Variants in CREBBP observed in about 807,000 individuals in gnomAD.
The protein encoded by CREBBP is CREB binding lysine acetyltransferase, also known as CREB-binding protein.
In CREBBP, 19 loss-of-function variants were observed where a neutral mutation model predicts 265.0. The ratio of observed to expected loss-of-function variants is 0.07; its 90% CI spans 0.05 to 0.11. The LOEUF is 0.11. CREBBP is among the 10% of genes least tolerant of loss of function. The pLI is 1.00. For synonymous variants in CREBBP, 1,457 were observed against 1,223.7 expected, an observed-to-expected ratio of 1.19 and a Z score of -3.98; for missense variants, 2,525 against 3,219.0, an observed-to-expected ratio of 0.78 and a Z score of 5.22.
intron 15 of CREBBP, 78 bp from the exon 16 acceptor site, chr16:3,767,987 AAGCCTAAAAC>A: frequency 7.1e-7 from 1 of 1,409,500 alleles, no homozygotes; most frequent in Non-Finnish European, 1.0e-6. Flanking sequence ...AGACTCTTAC[AAGCCTAAAAC>A]AGGTTTGTTA....
intron 2 of CREBBP, among the ~76,000 whole-genome samples, chr16:3,814,549 G>T (rs148712863): frequency 6.6e-6 from 1 of 152,136 alleles, no homozygotes; most frequent in South Asian, 2.1e-4. Context: ...AAGCCACCAC[G>T]CCTGGCCATA....
intron 1 of CREBBP, among the ~76,000 whole-genome samples, chr16:3,876,256 T>C (rs2141601661): frequency 6.6e-6 from 1 of 151,658 alleles, no homozygotes; most frequent in Admixed American, 6.6e-5. Flanking sequence ...TCCAGGCTGG[T>C]CTCCAACTGC....
intron 9 of CREBBP, 23 bp downstream of exon 9, chr16:3,778,677 G>A (rs775001363): frequency 6.5e-7 from 1 of 1,548,912 alleles, no homozygotes; most frequent in Non-Finnish European, 8.9e-7. Context: ...GTAGAGGCCA[G>A]AGCACGGTAA....
At chr16:3,860,054 C>T (rs944958576) in intron 1 of CREBBP, among the ~76,000 whole-genome samples, 4 of 152,148 alleles carry the variant, frequency 2.6e-5, no homozygotes, top group Admixed American at 1.3e-4. Context: ...AGCCCTCAAC[C>T]GTGGGATCTG....
intron 21 of CREBBP, 44 bp from the exon 22 acceptor site, chr16:3,745,398 A>T (rs1240189388): frequency 6.4e-7 from 1 of 1,572,592 alleles, no homozygotes; most frequent in East Asian, 2.3e-5. Context: ...ACGGAACCAC[A>T]AGACCAGAGT....
intron 6 of CREBBP, among the ~76,000 whole-genome samples, chr16:3,781,606 A>G (rs2053275187): frequency 6.6e-6 from 1 of 152,216 alleles, no homozygotes; most frequent in South Asian, 2.1e-4. Context: ...ACCCACATGC[A>G]GCCTCTTACT....
chr16:3,857,451 C>T (rs2054986859), intron 1 of CREBBP, among the ~76,000 whole-genome samples: 1 of 152,184 alleles, frequency 6.6e-6, no homozygotes, highest in African/African-American at 2.4e-5. Flanking sequence ...ACCACATTTC[C>T]ATATTCCCTA....
At chr16:3,870,830 G>T (rs914814194) in intron 1 of CREBBP, among the ~76,000 whole-genome samples, 3 of 152,098 alleles carry the variant, frequency 2.0e-5, no homozygotes, top group African/African-American at 7.2e-5. Flanking sequence ...AGGCACCCTA[G>T]TAGCCCCATG....
At chr16:3,874,667 G>A (rs1209940186) in intron 1 of CREBBP, among the ~76,000 whole-genome samples, 3 of 152,084 alleles carry the variant, frequency 2.0e-5, no homozygotes, top group Non-Finnish European at 2.9e-5. Flanking sequence ...AAACAGGATT[G>A]AGAGTGGTCC....
At chr16:3,780,259 A>G (rs897935649) in intron 8 of CREBBP, among the ~76,000 whole-genome samples, 5 of 151,904 alleles carry the variant, frequency 3.3e-5, no homozygotes, top group African/African-American at 1.2e-4. Flanking sequence ...AAAAAAAAAA[A>G]AAAAGTTAAC....
intron 3 of CREBBP, among the ~76,000 whole-genome samples, chr16:3,802,149 T>G (rs1351469933): frequency 4.6e-5 from 5 of 109,728 alleles, no homozygotes; most frequent in Non-Finnish European, 7.6e-5. Flanking sequence ...TTTTTTTTTT[T>G]GTGACAGAGT....
At position 3,777,710 on chromosome 16, in the gene CREBBP, A is replaced by C. The variant is rs946467852; in HGVS notation, c.2114-53T>G. 564 of 1,597,804 alleles carry C rather than the reference A, an allele frequency of 3.5e-4. 5 individuals are homozygous for C. The highest frequency in any genetic ancestry group is 2.6e-3 in the Middle Eastern group (16 of 6,046). On this transcript the variant is annotated intron_variant, in intron 10 of 30. Coordinates refer to ENST00000262367, the MANE Select transcript of CREBBP (RefSeq NM_004380.3). The stretch of plus-strand genomic sequence containing the variant: ...AAAACCACCCTAGTTATTTAATATA[A>C]TCCTTGATTCAGGAATAGGAAATTT...
chr16:3,840,024 A>C (rs772576173), intron 2 of CREBBP, among the ~76,000 whole-genome samples: 1 of 152,188 alleles, frequency 6.6e-6, no homozygotes. Flanking sequence ...TAACATGTCT[A>C]CTAAACAGCT....
intron 20 of CREBBP, among the ~76,000 whole-genome samples, chr16:3,751,296 T>C (rs1016037654): frequency 6.6e-6 from 1 of 152,068 alleles, no homozygotes; most frequent in African/African-American, 2.4e-5. Context: ...GTGATCATAG[T>C]TAATATGAAA....
At position 3,774,038 on chromosome 16, in the gene CREBBP, C is replaced by T; in HGVS notation, c.2284-108G>A. ...CTTCACAACCCCAGAGGATGGCAAG[C>T]ACAGGGCTCACATCCTGCCCTTCCT... is the stretch of plus-strand genomic sequence containing the variant. On this transcript the variant is annotated intron_variant, in intron 12 of 30. Coordinates refer to ENST00000262367, the MANE Select transcript of CREBBP (RefSeq NM_004380.3). 5 of 1,186,518 alleles carry T rather than the reference C, an allele frequency of 4.2e-6. No homozygotes were observed. The Admixed American group carries it at 8.8e-5, about 21-fold the overall frequency. 73.5% of individuals were successfully genotyped at this position (1,186,518 alleles called of 1,614,324 possible). A position where few individuals can be genotyped will look rare whatever the true frequency, so the allele number is the denominator to read the frequency against.
chr16:3,846,856 G>A (rs900871423), intron 2 of CREBBP, among the ~76,000 whole-genome samples: 4 of 152,138 alleles, frequency 2.6e-5, no homozygotes, highest in Non-Finnish European at 4.4e-5. Context: ...GTGAGAATTT[G>A]GGAGAACCAA....
chr16:3,864,272 G>T (rs1288087416), intron 1 of CREBBP, among the ~76,000 whole-genome samples: 1 of 152,230 alleles, frequency 6.6e-6, no homozygotes, highest in Non-Finnish European at 1.5e-5. Context: ...AGACTTGGAA[G>T]TGCCAGTCCA....
At chr16:3,775,813 C>T (rs148016256) in intron 11 of CREBBP, among the ~76,000 whole-genome samples, 1 of 152,110 alleles carries the variant, frequency 6.6e-6, no homozygotes, top group South Asian at 2.1e-4. Flanking sequence ...GGCATCATAC[C>T]CCACACCAGC....
At chr16:3,749,753 CTG>C in intron 20 of CREBBP, 70 bp from the exon 21 acceptor site, 2 of 1,004,474 alleles carry the variant, frequency 2.0e-6, no homozygotes, top group South Asian at 1.4e-5. Flanking sequence ...TATAGGGTCT[CTG>C]GAATGTTATT....
Sources: allele counts gnomAD v4.1 joint callset (sites outside exome capture counted in the v4.1 genomes callset), GRCh38; gene constraint gnomAD v4.1.1; transcripts MANE v1.5; gene names NCBI Gene and HGNC (gene_info 2026-07-23, HGNC 2026-07-21).